ARHGAP32: variants seen among roughly 807,000 people sequenced by gnomAD.
The protein encoded by ARHGAP32 is rho GTPase-activating protein 32.
Under a neutral mutation model 186.5 loss-of-function variants are expected in ARHGAP32, and 51 were observed. The ratio of observed to expected loss-of-function variants is 0.27; its 90% CI spans 0.22 to 0.35. The LOEUF (loss-of-function observed/expected upper bound fraction) is 0.35. ARHGAP32 is among the 10% of genes least tolerant of loss of function. The pLI, the probability that ARHGAP32 is intolerant of heterozygous loss-of-function variation, is 1.00. For missense variants in ARHGAP32, 2,186 were observed against 2,623.5 expected (o/e 0.83, Z 3.64); for synonymous variants, 950 against 964.3 (o/e 0.99, Z 0.27).
chr11:129,098,975 A>G (rs1175013192), intron 5 of ARHGAP32, among the ~76,000 whole-genome samples: 1 of 152,192 alleles, frequency 6.6e-6, no homozygotes, highest in Non-Finnish European at 1.5e-5. Context: ...AATGTGAACA[A>G]AAGAAAATAA....
chr11:129,020,449 C>T (rs1308540174), intron 11 of ARHGAP32, among the ~76,000 whole-genome samples: 1 of 152,022 alleles, frequency 6.6e-6, no homozygotes, highest in African/African-American at 2.4e-5. Flanking sequence ...GCTGGTCATG[C>T]CATATGGTAT....
chr11:129,238,852 T>TG (rs1264076071), intron 1 of ARHGAP32, among the ~76,000 whole-genome samples: 2 of 150,606 alleles, frequency 1.3e-5, no homozygotes, highest in African/African-American at 4.9e-5. Context: ...TAATTTTTTT[T>TG]GAAACAGGGT....
upstream of ARHGAP32, among the ~76,000 whole-genome samples, chr11:129,197,320 G>A (rs944044066): frequency 6.6e-6 from 1 of 152,164 alleles, no homozygotes; most frequent in East Asian, 1.9e-4. Context: ...CACTATCAGG[G>A]GAGGGGTATG....
In ARHGAP32 at chr11:128,986,644, G is replaced by A; in HGVS notation, c.1323C>T (p.Val441=). The change falls in exon 14 of 23, where the codon GTC becomes GTT. Residue 441 remains valine, a synonymous_variant. Transcript: ENST00000682385. ...CATACGGTTCTTTCGTCAGGTCGGG[G>A]ACGTGCTCAGAGTCAAATTCATGGC... The part of the protein sequence containing the change: ...RLRHEFDSEH[V]PDLTKEPYVQ... 1 of 1,614,048 alleles carries A rather than the reference G, an allele frequency of 6.2e-7. No homozygotes were observed.
chr11:129,143,594 C>T (rs532320034), intron 2 of ARHGAP32, among the ~76,000 whole-genome samples: 1 of 152,294 alleles, frequency 6.6e-6, no homozygotes, highest in South Asian at 2.1e-4. Context: ...TTGTATTCAA[C>T]TCACGCTTCT....
At chr11:129,158,240 G>A (rs1565448630) in intron 2 of ARHGAP32, among the ~76,000 whole-genome samples, 1 of 152,098 alleles carries the variant, frequency 6.6e-6, no homozygotes, top group Non-Finnish European at 1.5e-5. Context: ...AACCTTAAAT[G>A]TAAATGGGCT....
At chr11:129,033,585 T>A (rs142220603) in intron 11 of ARHGAP32, among the ~76,000 whole-genome samples, 2 of 152,350 alleles carry the variant, frequency 1.3e-5, no homozygotes, top group African/African-American at 4.8e-5. Flanking sequence ...GGGCATATTA[T>A]GATAAAGTTC....
chr11:129,276,800 A>G (rs1945537772), intron 1 of ARHGAP32, among the ~76,000 whole-genome samples: 1 of 152,228 alleles, frequency 6.6e-6, no homozygotes, highest in African/African-American at 2.4e-5. Context: ...AAAACAATGC[A>G]AGCCTTCTGA....
intron 5 of ARHGAP32, among the ~76,000 whole-genome samples, chr11:129,115,289 C>T (rs531116777): frequency 3.0e-4 from 45 of 152,064 alleles, no homozygotes; most frequent in Non-Finnish European, 5.6e-4. Flanking sequence ...AGCAGAATTA[C>T]ATCTTACATG....
intron 2 of ARHGAP32, among the ~76,000 whole-genome samples, chr11:129,140,454 A>G (rs1035961420): frequency 4.6e-5 from 7 of 152,206 alleles, no homozygotes; most frequent in Non-Finnish European, 8.8e-5. Context: ...TACATATTCA[A>G]CAAAAAACAA....
intron 6 of ARHGAP32, among the ~76,000 whole-genome samples, chr11:129,092,209 G>T (rs1941597265): frequency 6.6e-6 from 1 of 151,608 alleles, no homozygotes; most frequent in Non-Finnish European, 1.5e-5. Context: ...CCTTCTGAAG[G>T]TCATTTTAAA....
chr11:129,172,257 G>A (rs1943782020), intron 1 of ARHGAP32, among the ~76,000 whole-genome samples: 1 of 152,156 alleles, frequency 6.6e-6, no homozygotes, highest in Non-Finnish European at 1.5e-5. Context: ...GGTTTTCAAA[G>A]TGAATGTTTC....
chr11:129,221,948 T>G (rs1944718295), intron 1 of ARHGAP32, among the ~76,000 whole-genome samples: 1 of 152,118 alleles, frequency 6.6e-6, no homozygotes, highest in Admixed American at 6.6e-5. Flanking sequence ...AAGACCTCAC[T>G]GAGTCACTGG....
intron 18 of ARHGAP32, 25 bp downstream of exon 18, chr11:128,980,528 C>A (rs1029253395): frequency 2.6e-6 from 4 of 1,562,582 alleles, no homozygotes; most frequent in South Asian, 1.2e-5. Context: ...AATCATATCC[C>A]AAAATAGGAT....
At chr11:129,118,142 A>G (rs528428253) in intron 5 of ARHGAP32, among the ~76,000 whole-genome samples, 5 of 152,168 alleles carry the variant, frequency 3.3e-5, no homozygotes, top group Admixed American at 1.3e-4. Context: ...GCACTTACTA[A>G]AAAGTAATAC....
intron 2 of ARHGAP32, among the ~76,000 whole-genome samples, chr11:129,160,464 A>C (rs1943506126): frequency 6.6e-6 from 1 of 152,224 alleles, no homozygotes; most frequent in Non-Finnish European, 1.5e-5. Flanking sequence ...AATAATAGAC[A>C]AACAGAGAGC....
chr11:129,060,009 G>T (rs1181255223), intron 10 of ARHGAP32, among the ~76,000 whole-genome samples: 1 of 152,128 alleles, frequency 6.6e-6, no homozygotes, highest in Non-Finnish European at 1.5e-5. Context: ...TTTGAAGTTA[G>T]AAATTTCGTT....
intron 1 of ARHGAP32, among the ~76,000 whole-genome samples, chr11:129,222,066 G>A (rs1944719661): frequency 6.6e-6 from 1 of 152,106 alleles, no homozygotes; most frequent in Admixed American, 6.6e-5. Flanking sequence ...GCTACTATTG[G>A]AGTTTACTGA....
At chr11:129,167,248 A>G (rs1405613165) in intron 1 of ARHGAP32, among the ~76,000 whole-genome samples, 2 of 152,192 alleles carry the variant, frequency 1.3e-5, no homozygotes, top group East Asian at 1.9e-4. Context: ...CGGAGAAATC[A>G]CACCCCTCAT....
Sources: allele counts gnomAD v4.1 joint callset (sites outside exome capture counted in the v4.1 genomes callset), GRCh38; gene constraint gnomAD v4.1.1; transcripts MANE v1.5; gene names NCBI Gene and HGNC (gene_info 2026-07-23, HGNC 2026-07-21).